The following ZPBP variants were observed in gnomAD, a reference collection of about 807,000 sequenced individuals.
ZPBP encodes zona pellucida-binding protein 1.
A neutral mutation model predicts 44.8 loss-of-function variants in ZPBP; 26 were observed. The ratio of observed to expected loss-of-function variants is 0.58; its 90% CI spans 0.43 to 0.81. The LOEUF (loss-of-function observed/expected upper bound fraction) is 0.81. Ranked by LOEUF, ZPBP falls within the 30% of genes least tolerant of loss-of-function variation. The probability of loss-of-function intolerance (pLI) is 0.00; values close to 1 mark genes in which losing one functional copy is unlikely to be tolerated. For missense variants in ZPBP, 409 were observed against 434.0 expected, an observed-to-expected ratio of 0.94 and a Z score of 0.51; for synonymous variants, 174 against 153.2, an observed-to-expected ratio of 1.14 and a Z score of -1.00.
At chr7:49,959,557 G>A (rs116479346) in intron 7 of ZPBP, among the ~76,000 whole-genome samples, 2 of 152,034 alleles carry the variant, frequency 1.3e-5, no homozygotes, top group Non-Finnish European at 2.9e-5. Flanking sequence ...TAAGAGATTT[G>A]CTAGAAATCT....
At position 50,031,004 on chromosome 7, in the gene ZPBP, C is replaced by T. The variant is rs1194113904; in HGVS notation, c.706+88G>A. On this transcript the variant is annotated intron_variant, in intron 5 of 7. Coordinates refer to ENST00000046087, the MANE Select transcript of ZPBP (RefSeq NM_007009.3). ...GGATGTATGGTGTTTATGTTTATATCATAAAAATGCTGTGAGTAATTAACA... is the reference window on the plus strand; with the variant it reads ...GGATGTATGGTGTTTATGTTTATATTATAAAAATGCTGTGAGTAATTAACA... 5 of 1,117,096 alleles carry T rather than the reference C, an allele frequency of 4.5e-6. No homozygotes were observed. In the South Asian group the frequency reaches 6.5e-5, roughly 14 times the overall value. 69.2% of individuals were successfully genotyped at this position (1,117,096 alleles called of 1,614,324 possible).
intron 1 of ZPBP, among the ~76,000 whole-genome samples, chr7:49,930,876 G>A (rs781665003): frequency 7.2e-5 from 11 of 152,204 alleles, no homozygotes; most frequent in East Asian, 1.9e-4. Flanking sequence ...TTGGCTCTAC[G>A]TCCCACTTAA....
At chr7:49,904,559 A>G (rs1384405265) in intron 1 of ZPBP, among the ~76,000 whole-genome samples, 1 of 152,208 alleles carries the variant, frequency 6.6e-6, no homozygotes, top group Non-Finnish European at 1.5e-5. Flanking sequence ...GGCTTTAAAA[A>G]ATTTCAGTAA....
chr7:49,900,570 A>G (rs1186857684), intron 2 of ZPBP, among the ~76,000 whole-genome samples: 1 of 151,750 alleles, frequency 6.6e-6, no homozygotes, highest in African/African-American at 2.4e-5. Flanking sequence ...AAATGAACCA[A>G]TTCCTTGAAA....
intron 3 of ZPBP, among the ~76,000 whole-genome samples, chr7:50,068,197 C>T (rs1449051358): frequency 1.3e-5 from 2 of 152,056 alleles, no homozygotes; most frequent in Non-Finnish European, 1.5e-5. Flanking sequence ...TGTGGCAGAA[C>T]CTTGCTGCCC....
At chr7:49,946,385 A>T (rs1467907183) in intron 7 of ZPBP, among the ~76,000 whole-genome samples, 3 of 152,136 alleles carry the variant, frequency 2.0e-5, no homozygotes, top group Non-Finnish European at 2.9e-5. Context: ...TCTGGTGGTG[A>T]TGAAATCCCT....
chr7:50,063,199 G>C (rs1801334322), intron 3 of ZPBP, among the ~76,000 whole-genome samples: 1 of 152,182 alleles, frequency 6.6e-6, no homozygotes, highest in South Asian at 2.1e-4. Flanking sequence ...AGGCTCACTA[G>C]CCACAGAAAA....
chr7:49,981,333 AT>A (rs1796879307), intron 7 of ZPBP, among the ~76,000 whole-genome samples: 2 of 14,134 alleles, frequency 1.4e-4, no homozygotes, highest in African/African-American at 2.5e-4. Context: ...ATATATTATA[AT>A]TATATATATT....
At chr7:49,903,552 T>A (rs1001936455) in intron 1 of ZPBP, among the ~76,000 whole-genome samples, 1 of 152,176 alleles carries the variant, frequency 6.6e-6, no homozygotes, top group Non-Finnish European at 1.5e-5. Flanking sequence ...ACAATAGATA[T>A]GGAGAATATT....
At chr7:50,046,512 G>C (rs966075368) in intron 4 of ZPBP, among the ~76,000 whole-genome samples, 4 of 151,188 alleles carry the variant, frequency 2.6e-5, no homozygotes, top group South Asian at 4.2e-4. Flanking sequence ...CTCAAAAGAA[G>C]ACATTTATGT....
At chr7:49,994,298 A>G (rs1306664764) in intron 6 of ZPBP, among the ~76,000 whole-genome samples, 1 of 152,176 alleles carries the variant, frequency 6.6e-6, no homozygotes, top group Non-Finnish European at 1.5e-5. Context: ...TCTGTAAACC[A>G]GGCCTGAGCT....
chr7:49,974,187 T>C (rs1183888712), intron 7 of ZPBP, among the ~76,000 whole-genome samples: 2 of 152,100 alleles, frequency 1.3e-5, no homozygotes, highest in East Asian at 3.9e-4. Context: ...TTGATAGTCA[T>C]ACAAAAAAGA....
intron 2 of ZPBP, among the ~76,000 whole-genome samples, chr7:50,083,841 A>C (rs1235168839): frequency 6.6e-6 from 1 of 152,028 alleles, no homozygotes; most frequent in Non-Finnish European, 1.5e-5. Context: ...TTCCAGGTAC[A>C]CTGAATAACT....
chr7:50,026,365 A>G (rs1393317767), intron 5 of ZPBP, among the ~76,000 whole-genome samples: 1 of 151,916 alleles, frequency 6.6e-6, no homozygotes, highest in Non-Finnish European at 1.5e-5. Context: ...CTGCACCTTC[A>G]ATATTGAATA....
At chr7:49,967,820 C>T (rs752150426) in intron 7 of ZPBP, among the ~76,000 whole-genome samples, 2 of 152,090 alleles carry the variant, frequency 1.3e-5, no homozygotes, top group Non-Finnish European at 2.9e-5. Context: ...GCATGAGCCA[C>T]GGTGCCTGGC....
chr7:49,960,392 G>A (rs1445535140), intron 7 of ZPBP, among the ~76,000 whole-genome samples: 1 of 151,828 alleles, frequency 6.6e-6, no homozygotes, highest in Non-Finnish European at 1.5e-5. Flanking sequence ...CTCCAGCCTG[G>A]GCAGCAGAGC....
chr7:49,879,638 C>T (rs1395677747), intron 2 of ZPBP, among the ~76,000 whole-genome samples: 1 of 152,150 alleles, frequency 6.6e-6, no homozygotes, highest in Non-Finnish European at 1.5e-5. Context: ...CTGTCCCAAC[C>T]CCAACTGGAA....
At chr7:50,082,111 A>G (rs1225351722) in intron 2 of ZPBP, among the ~76,000 whole-genome samples, 1 of 151,886 alleles carries the variant, frequency 6.6e-6, no homozygotes, top group Non-Finnish European at 1.5e-5. Flanking sequence ...GTATGCATGT[A>G]TGTGTGTGTA....
At chr7:50,058,971 C>T (rs1801110510) in intron 3 of ZPBP, among the ~76,000 whole-genome samples, 1 of 152,128 alleles carries the variant, frequency 6.6e-6, no homozygotes, top group African/African-American at 2.4e-5. Flanking sequence ...AATGAAAAAT[C>T]ATAATATATG....
Sources: gnomAD v4.1 joint callset for allele counts (sites outside exome capture counted in the v4.1 genomes callset) on GRCh38, gnomAD v4.1.1 for gene constraint, MANE v1.5 for transcripts, NCBI Gene and HGNC (gene_info 2026-07-23, HGNC 2026-07-21) for gene names.